TMTC1: variants seen among roughly 807,000 people sequenced by gnomAD.
TMTC1 encodes protein O-mannosyl-transferase TMTC1.
Under a neutral mutation model 104.8 loss-of-function variants are expected in TMTC1, and 73 were observed. The ratio of observed to expected loss-of-function variants is 0.70; its 90% confidence interval spans 0.58 to 0.85. The LOEUF is 0.85. TMTC1 is among the 40% of genes least tolerant of loss of function. The pLI, the probability that TMTC1 is intolerant of heterozygous loss-of-function variation, is 0.00. For missense variants in TMTC1, 1,035 were observed against 1,096.1 expected (o/e 0.94, Z 0.79); for synonymous variants, 434 against 428.7 (o/e 1.01, Z -0.15).
chr12:29,731,501 G>T (rs1942545316), intron 5 of TMTC1, among the ~76,000 whole-genome samples: 1 of 152,156 alleles, frequency 6.6e-6, no homozygotes, highest in Non-Finnish European at 1.5e-5. Context: ...GAGTAAACTT[G>T]AAGCTCTTAG....
intron 6 of TMTC1, among the ~76,000 whole-genome samples, chr12:29,629,393 T>G (rs1180635821): frequency 6.6e-6 from 1 of 151,982 alleles, no homozygotes; most frequent in Non-Finnish European, 1.5e-5. Context: ...CCCTCCCATA[T>G]CGAGCCAATG....
chr12:29,637,121 C>T (rs1041527523), intron 5 of TMTC1, among the ~76,000 whole-genome samples: 2 of 138,288 alleles, frequency 1.4e-5, no homozygotes, highest in African/African-American at 5.7e-5. Context: ...CACACACACA[C>T]ACAAAAGAAC....
intron 5 of TMTC1, among the ~76,000 whole-genome samples, chr12:29,685,918 T>C (rs751201903): frequency 5.0e-5 from 7 of 139,418 alleles, no homozygotes; most frequent in Non-Finnish European, 9.1e-5. Context: ...GACTATATTA[T>C]AGCAAGATTG....
intron 5 of TMTC1, among the ~76,000 whole-genome samples, chr12:29,751,279 C>A (rs1198776040): frequency 6.6e-6 from 1 of 152,092 alleles, no homozygotes; most frequent in Non-Finnish European, 1.5e-5. Flanking sequence ...TCTGGGTTTC[C>A]TCCCATATTT....
At chr12:29,660,776 G>GTA (rs144268878) in intron 5 of TMTC1, 63,361 of 684,282 alleles carry the variant, frequency 0.093, 621 homozygotes, top group East Asian at 0.13. Context: ...TATTTCAAAA[G>GTA]TATATATATA....
At chr12:29,647,454 T>A (rs1306911251) in intron 5 of TMTC1, among the ~76,000 whole-genome samples, 1 of 152,196 alleles carries the variant, frequency 6.6e-6, no homozygotes, top group African/African-American at 2.4e-5. Context: ...AGAAACATTT[T>A]AATTCAATGT....
intron 12 of TMTC1, 53 bp from the exon 13 acceptor site, chr12:29,518,660 A>G: frequency 1.3e-6 from 2 of 1,582,304 alleles, no homozygotes; most frequent in Non-Finnish European, 1.7e-6. Context: ...TATAAAAGAC[A>G]TGAACATTTC....
chr12:29,703,557 A>G (rs1193334254), intron 5 of TMTC1, among the ~76,000 whole-genome samples: 1 of 152,174 alleles, frequency 6.6e-6, no homozygotes, highest in Non-Finnish European at 1.5e-5. Context: ...CCAAGATACC[A>G]TTTGCTCGGA....
At chr12:29,514,729 C>A in intron 15 of TMTC1, 125 bp from the exon 16 acceptor site, 2 of 1,076,254 alleles carry the variant, frequency 1.9e-6, no homozygotes, top group Non-Finnish European at 2.6e-6. Context: ...AATCAAAGTA[C>A]AATTCTTGGT....
intron 10 of TMTC1, among the ~76,000 whole-genome samples, chr12:29,552,981 C>A (rs142061401): frequency 2.6e-5 from 4 of 152,330 alleles, no homozygotes; most frequent in African/African-American, 9.6e-5. Context: ...GCTCAGTTAT[C>A]TAAGTGCTAT....
At chr12:29,527,473 G>A (rs1476511483) in intron 11 of TMTC1, among the ~76,000 whole-genome samples, 1 of 152,220 alleles carries the variant, frequency 6.6e-6, no homozygotes, top group Non-Finnish European at 1.5e-5. Context: ...ATCCACACCT[G>A]GGGATAGATA....
chr12:29,711,249 G>A (rs899341954), intron 5 of TMTC1, among the ~76,000 whole-genome samples: 2 of 151,980 alleles, frequency 1.3e-5, no homozygotes, highest in African/African-American at 4.8e-5. Flanking sequence ...AAAATACTGG[G>A]ATTATCCACT....
intron 16 of TMTC1, 139 bp from the exon 17 acceptor site, chr12:29,512,259 C>T (rs1943861070): frequency 1.7e-6 from 1 of 589,926 alleles, no homozygotes; most frequent in Admixed American, 3.3e-5. Context: ...GGAGACCCTG[C>T]TTATTTCTAT....
chr12:29,757,078 G>T (rs1401788166), intron 3 of TMTC1, among the ~76,000 whole-genome samples: 1 of 152,136 alleles, frequency 6.6e-6, no homozygotes, highest in Non-Finnish European at 1.5e-5. Context: ...TTAAATTTTG[G>T]CTTATATTTT....
chr12:29,736,273 A>C (rs1256809265), intron 5 of TMTC1, among the ~76,000 whole-genome samples: 2 of 152,054 alleles, frequency 1.3e-5, no homozygotes, highest in East Asian at 3.9e-4. Flanking sequence ...AAAAAAAAAA[A>C]AAAAAAAGGA....
intron 5 of TMTC1, among the ~76,000 whole-genome samples, chr12:29,713,933 T>C (rs1942007442): frequency 6.6e-6 from 1 of 152,118 alleles, no homozygotes; most frequent in Non-Finnish European, 1.5e-5. Context: ...TTAATGCTGC[T>C]ATAAGCAGGG....
chr12:29,584,695 T>C (rs963876888), intron 7 of TMTC1, among the ~76,000 whole-genome samples: 3 of 152,064 alleles, frequency 2.0e-5, no homozygotes, highest in African/African-American at 7.2e-5. Context: ...CGGTGTTTGG[T>C]TTTTTGTCCT....
chr12:29,624,643 C>G (rs778784840), intron 6 of TMTC1, among the ~76,000 whole-genome samples: 1 of 152,220 alleles, frequency 6.6e-6, no homozygotes, highest in Non-Finnish European at 1.5e-5. Flanking sequence ...CCACATGGCT[C>G]ACCCTTGCAC....
At chr12:29,509,722 G>A (rs960058662) in intron 17 of TMTC1, among the ~76,000 whole-genome samples, 3 of 152,080 alleles carry the variant, frequency 2.0e-5, no homozygotes, top group African/African-American at 7.2e-5. Context: ...ATTTTATATT[G>A]GTCAGCCTAG....
Sources: allele counts gnomAD v4.1 joint callset (sites outside exome capture counted in the v4.1 genomes callset), GRCh38; gene constraint gnomAD v4.1.1; transcripts MANE v1.5; gene names NCBI Gene and HGNC (gene_info 2026-07-23, HGNC 2026-07-21).